The following SPTBN1 variants were observed in gnomAD, a reference collection of about 807,000 sequenced individuals.
The protein encoded by SPTBN1 is spectrin beta chain, non-erythrocytic 1.
SPTBN1 carries 32 observed loss-of-function variants against 266.4 expected under a neutral mutation model. The observed-to-expected ratio is 0.12, with a 90% CI of 0.09 to 0.16. The LOEUF (loss-of-function observed/expected upper bound fraction) is 0.16. Among genes scored for constraint, SPTBN1 ranks in the 10% least tolerant of loss-of-function variants. The pLI, the probability that SPTBN1 is intolerant of heterozygous loss-of-function variation, is 1.00. For synonymous variants in SPTBN1, 1,336 were observed against 1,162.2 expected, an observed-to-expected ratio of 1.15 and a Z score of -3.04; for missense variants, 2,296 against 3,067.1, an observed-to-expected ratio of 0.75 and a Z score of 5.94.
intron 2 of SPTBN1, among the ~76,000 whole-genome samples, chr2:54,569,905 T>C (rs1673937111): frequency 6.6e-6 from 1 of 150,400 alleles, no homozygotes; most frequent in Admixed American, 6.6e-5. Context: ...CTGTTCTGGG[T>C]GTGGTTTCCT....
intron 7 of SPTBN1, among the ~76,000 whole-genome samples, chr2:54,620,439 A>G (rs939013612): frequency 2.0e-5 from 3 of 147,216 alleles, no homozygotes; most frequent in East Asian, 3.9e-4. Context: ...AAGTTAAGGA[A>G]GGCGTATTGG....
intron 18 of SPTBN1, among the ~76,000 whole-genome samples, chr2:54,638,864 G>A (rs1361674442): frequency 6.6e-6 from 1 of 152,218 alleles, no homozygotes; most frequent in Admixed American, 6.5e-5. Context: ...ATGTGTGACT[G>A]TGCATTAAAA....
intron 2 of SPTBN1, chr2:54,557,763 A>G (rs1573406968): frequency 1.0e-6 from 1 of 985,318 alleles, no homozygotes; most frequent in Non-Finnish European, 1.2e-6. Context: ...ATTCCAGGAA[A>G]CCACCGCCTT....
chr2:54,565,246 G>A (rs566950212), intron 2 of SPTBN1, among the ~76,000 whole-genome samples: 4 of 152,340 alleles, frequency 2.6e-5, no homozygotes, highest in Admixed American at 2.6e-4. Context: ...TGGAGAAGCA[G>A]ACTCTTTAAG....
intron 2 of SPTBN1, among the ~76,000 whole-genome samples, chr2:54,574,146 C>G (rs1290327807): frequency 1.3e-5 from 2 of 152,054 alleles, no homozygotes; most frequent in Non-Finnish European, 2.9e-5. Context: ...ATTTATTGGA[C>G]ACTTATGTAC....
intron 1 of SPTBN1, among the ~76,000 whole-genome samples, chr2:54,487,170 C>CTTTTTTTTTTT (rs34779689): frequency 1.0e-4 from 10 of 98,582 alleles, no homozygotes; most frequent in African/African-American, 1.3e-4. Flanking sequence ...ATTAGGATTT[C>CTTTTTTTTTTT]TTTTTTTTTT....
intron 1 of SPTBN1, among the ~76,000 whole-genome samples, chr2:54,485,152 C>G (rs997855306): frequency 6.7e-6 from 1 of 149,188 alleles, no homozygotes; most frequent in Non-Finnish European, 1.5e-5. Flanking sequence ...TCGCCTCTCC[C>G]TCTCCCTCTC....
At chr2:54,640,447 A>G (rs978279210) in intron 18 of SPTBN1, among the ~76,000 whole-genome samples, 2 of 152,206 alleles carry the variant, frequency 1.3e-5, no homozygotes, top group Non-Finnish European at 1.5e-5. Flanking sequence ...TTGTACCAGC[A>G]ATACAGTATG....
chr2:54,573,905 G>A (rs1222871592), intron 2 of SPTBN1, among the ~76,000 whole-genome samples: 2 of 143,970 alleles, frequency 1.4e-5, no homozygotes, highest in Admixed American at 6.8e-5. Context: ...TATGGGAGGG[G>A]GGTGCTTTGT....
intron 2 of SPTBN1, among the ~76,000 whole-genome samples, chr2:54,578,049 A>G (rs1171983272): frequency 1.3e-5 from 2 of 152,142 alleles, no homozygotes; most frequent in Non-Finnish European, 2.9e-5. Context: ...TACTTTGGAG[A>G]TTCCAGACTA....
chr2:54,514,005 G>C lies in SPTBN1; in HGVS notation c.-47-12367G>C, dbSNP rs116213016. ...ATTTTAGAGAGTATTATATGTAAGC[G>C]GAGAAGAAGTACTTTAAAATTTTAA... On this transcript the variant is annotated intron_variant, in intron 1 of 35. Coordinates refer to ENST00000356805, the MANE Select transcript of SPTBN1 (RefSeq NM_003128.3). Among the ~76,000 whole-genome samples the C allele has an allele frequency of 2.3e-3, 357 of 152,154 alleles. 2 individuals carry two copies. Among genetic ancestry groups the C allele is most frequent in the Non-Finnish European group, 2.6e-3 (177 of 68,014 alleles).
intron 32 of SPTBN1, chr2:54,660,874 C>G (rs1481784324): frequency 2.0e-6 from 2 of 985,310 alleles, no homozygotes; most frequent in East Asian, 1.1e-4. Context: ...GACAGCCGTT[C>G]TCAGCATGTT....
chr2:54,493,619 C>T lies in SPTBN1; in HGVS notation c.-47-32753C>T, dbSNP rs1277901346. Among the ~76,000 whole-genome samples the T allele has an allele frequency of 2.0e-5, 3 of 152,148 alleles. No homozygotes were observed. The East Asian group carries it at 5.8e-4, about 29-fold the overall frequency. On this transcript the variant is annotated intron_variant, in intron 1 of 35. Transcript: ENST00000356805. ...GTTTTGACATGTTGGCCCGGCTAGT[C>T]TTGAACTCCTTGCCTCAAGTTATCC...
Position 54,649,298 on chromosome 2 carries a change from G to A in SPTBN1, c.5202+108G>A. 11 of 1,251,746 alleles carry A rather than the reference G, an allele frequency of 8.8e-6. No individual in the cohort carries two copies. The highest frequency in any genetic ancestry group is 1.2e-5 in the Non-Finnish European group (11 of 913,046). The allele number at this position is 1,251,746 out of a possible 1,614,324, so 77.5% of individuals were successfully genotyped here. On this transcript the variant is annotated intron_variant, in intron 25 of 35. Coordinates refer to ENST00000356805, the MANE Select transcript of SPTBN1 (RefSeq NM_003128.3). This position sits in a 1 kb window ranked among gnomAD's most constrained non-coding sequence, Gnocchi z 6.7. ...GATAAAATGCCCTGGACTCCAATCA[G>A]AGGTCTTGGGGTTTAGTTTTAAGGT...
chr2:54,668,680 ATTTTTTT>A lies in SPTBN1; in HGVS notation c.*120_*126del, dbSNP rs201990044. 1.4e-4 allele frequency: 79 copies of A among 553,452 alleles called. No homozygotes were observed. Among genetic ancestry groups the A allele is most frequent in the Non-Finnish European group, 2.0e-4 (75 of 368,804 alleles). 34.3% of individuals were successfully genotyped at this position (553,452 alleles called of 1,614,324 possible). A position where few individuals can be genotyped will look rare whatever the true frequency, so the allele number is the denominator to read the frequency against. ...TGCCTAATGTTCCTCAATGTGGTTGATTTTTTTTTTTTTTTAATTTATAGAGCATTTC... is the reference window on the plus strand; with the variant it reads ...TGCCTAATGTTCCTCAATGTGGTTGATTTTTTTTAATTTATAGAGCATTTC... On this transcript the variant is annotated 3_prime_UTR_variant, in exon 36 of 36. Transcript: ENST00000356805.
At chr2:54,492,799 A>G (rs894157810) in intron 1 of SPTBN1, among the ~76,000 whole-genome samples, 2 of 152,186 alleles carry the variant, frequency 1.3e-5, no homozygotes, top group African/African-American at 4.8e-5. Flanking sequence ...ATTGGCTTGT[A>G]TAAACTAGAG....
chr2:54,520,154 T>C (rs1019967655), intron 1 of SPTBN1, among the ~76,000 whole-genome samples: 2 of 152,184 alleles, frequency 1.3e-5, no homozygotes, highest in African/African-American at 2.4e-5. Context: ...CTGGGGATTA[T>C]TGTTTCTTCA....
intron 32 of SPTBN1, chr2:54,661,713 A>G (rs569896514): frequency 3.0e-6 from 3 of 985,696 alleles, no homozygotes; most frequent in African/African-American, 1.7e-5. Flanking sequence ...TCATTGATCT[A>G]TATGTATATA....
intron 1 of SPTBN1, among the ~76,000 whole-genome samples, chr2:54,503,287 T>C (rs1322025107): frequency 2.0e-5 from 3 of 152,244 alleles, no homozygotes; most frequent in African/African-American, 7.2e-5. Flanking sequence ...CAGCACACTA[T>C]GTCAGCCAGT....
Sources: allele counts gnomAD v4.1 joint callset (sites outside exome capture counted in the v4.1 genomes callset), GRCh38; gene constraint gnomAD v4.1.1; non-coding constraint Gnocchi (gnomAD v3.1); transcripts MANE v1.5; gene names NCBI Gene and HGNC (gene_info 2026-07-23, HGNC 2026-07-21).